The following HHLA1 variants were observed in gnomAD, a reference collection of about 807,000 sequenced individuals.
HHLA1 encodes the protein HERV-H LTR-associating protein 1.
HHLA1 carries 72 observed loss-of-function variants against 69.9 expected under a neutral mutation model. The ratio of observed to expected loss-of-function variants is 1.03; its 90% CI spans 0.85 to 1.25. HHLA1 has a LOEUF of 1.25. Among genes scored for constraint, HHLA1 ranks in the 50% most tolerant of loss-of-function variants. The pLI, the probability that HHLA1 is intolerant of heterozygous loss-of-function variation, is 0.00. For missense variants in HHLA1, 685 were observed against 642.2 expected (o/e 1.07, Z -0.72); for synonymous variants, 252 against 233.2 (o/e 1.08, Z -0.73).
At position 132,083,603 on chromosome 8, in the gene HHLA1, G is replaced by C. The variant is rs1256170049; in HGVS notation, c.677-3637C>G. Among the ~76,000 whole-genome samples, 3 of 152,168 alleles carry C rather than the reference G, an allele frequency of 2.0e-5. No homozygotes were observed. The South Asian group carries it at 6.2e-4, about 32-fold the overall frequency. On this transcript the variant is annotated intron_variant, in intron 10 of 16. Coordinates refer to ENST00000414222, the MANE Select transcript of HHLA1 (RefSeq NM_001145095.3). The stretch of plus-strand genomic sequence containing the variant: ...GGCTGCCAGGTGAGTTGAACAGTCC[G>C]ATTTTCAGTGGGGTCCCACACAGAT...
intron 3 of HHLA1, among the ~76,000 whole-genome samples, chr8:132,102,081 G>T (rs1426952221): frequency 6.6e-6 from 1 of 152,180 alleles, no homozygotes; most frequent in Non-Finnish European, 1.5e-5. Flanking sequence ...CCTCATGAAA[G>T]TGGTATCATG....
At chr8:132,065,439 G>A (rs1400397519) in intron 16 of HHLA1, among the ~76,000 whole-genome samples, 4 of 152,146 alleles carry the variant, frequency 2.6e-5, no homozygotes, top group Non-Finnish European at 5.9e-5. Flanking sequence ...CCACCACCAC[G>A]CCTGGCTAGT....
intron 10 of HHLA1, among the ~76,000 whole-genome samples, chr8:132,082,205 A>G (rs989086547): frequency 6.6e-6 from 1 of 152,226 alleles, no homozygotes; most frequent in African/African-American, 2.4e-5. Flanking sequence ...AAGTATATGC[A>G]TCAGCTATGA....
At position 132,063,034 on chromosome 8, in the gene HHLA1, C is replaced by T. The variant is rs1474549107; in HGVS notation, c.*961G>A. ...AGCCATGCAGGCCATGAAGGCACTC[C>T]ATACCTACTCCATACCCCCAAACAT... On this transcript the variant is annotated 3_prime_UTR_variant, in exon 17 of 17. Coordinates refer to ENST00000414222, the MANE Select transcript of HHLA1 (RefSeq NM_001145095.3). 1.3e-5 allele frequency: 2 copies of T among 152,250 alleles called. No individual in the cohort carries two copies. The highest frequency in any genetic ancestry group is 4.8e-5 in the African/African-American group (2 of 41,426). 9.4% of individuals were successfully genotyped at this position (152,250 alleles called of 1,614,324 possible). A position where few individuals can be genotyped will look rare whatever the true frequency, so the allele number is the denominator to read the frequency against.
chr8:132,104,051 G>T, intron 3 of HHLA1, 57 bp downstream of exon 3: 1 of 1,218,852 alleles, frequency 8.2e-7, no homozygotes, highest in Non-Finnish European at 1.2e-6. Context: ...GCTTGGGGAA[G>T]TCAAGGAATT....
chr8:132,097,480 G>A (rs1011093614), intron 5 of HHLA1, among the ~76,000 whole-genome samples: 3 of 152,166 alleles, frequency 2.0e-5, no homozygotes, highest in Non-Finnish European at 4.4e-5. Flanking sequence ...GTACCACCAC[G>A]TGGAGGTTAT....
chr8:132,108,739 G>A (rs144189433), intron 1 of HHLA1, among the ~76,000 whole-genome samples: 3 of 152,106 alleles, frequency 2.0e-5, no homozygotes, highest in Non-Finnish European at 4.4e-5. Flanking sequence ...ACTATGTGCA[G>A]ACACTTCTGA....
chr8:132,098,904 C>T lies in HHLA1; in HGVS notation c.258G>A (p.Gly86=). Residue 86 remains glycine (G), a synonymous_variant, in exon 5 of 17, where the codon GGG becomes GGA. Transcript: ENST00000414222. ...TACCTTTTAACGCTCTACTGAGCAT[C>T]CCATTCACAAGCTCTGTCAGGTTAA... ...SALNLTELVN[G]MLSRALKDSK... The T allele has an allele frequency of 6.4e-7, 1 of 1,550,692 alleles. No individual in the cohort carries two copies.
Position 132,079,794 on chromosome 8 carries a change from G to T in HHLA1, c.849C>A (p.Asn283Lys). The change falls in exon 11 of 17, where the codon AAC (asparagine) becomes AAA (lysine). Residue 283 changes from asparagine (N) to lysine (K), a missense_variant. Transcript: ENST00000414222. ...AAPSETEETL[N>K]TGRPPELPAR... ...CTGGAAGCTCAGGAGGCCTGCCTGTGTTCAGGGTCTCCTCTGTTTCTGAAG... is the reference window on the plus strand; with the variant it reads ...CTGGAAGCTCAGGAGGCCTGCCTGTTTTCAGGGTCTCCTCTGTTTCTGAAG... 1 of 1,551,730 alleles carries T rather than the reference G, an allele frequency of 6.4e-7. No individual in the cohort carries two copies. The highest frequency in any genetic ancestry group is 1.4e-5 in the African/African-American group (1 of 73,190).
rs1425258882 is a variant in HHLA1, at chr8:132,077,793, G to T, written c.1104C>A (p.Ser368Arg). 2 of 1,551,646 alleles carry T rather than the reference G, an allele frequency of 1.3e-6. No individual in the cohort carries two copies. The highest frequency in any genetic ancestry group is 3.9e-5 in the Admixed American group (2 of 51,004). The change falls in exon 12 of 17, where the codon AGC (serine) becomes AGA (arginine). Residue 368 changes from serine (S) to arginine (R), a missense_variant. By Grantham distance (110) the Ser-to-Arg change is moderately radical. Coordinates refer to ENST00000414222, the MANE Select transcript of HHLA1 (RefSeq NM_001145095.3). ...TTATCTCAGCAGCAGGCGCCAAAAG[G>T]CTTGTAGTGTTCATGGCTTCCTCGG... ...AGTEEAMNTT[S>R]LLAPAAEIMA...
Position 132,098,846 on chromosome 8 carries a change from A to G in HHLA1, c.280+36T>C, listed in dbSNP as rs186025165. 1,274 of 1,405,532 alleles carry G rather than the reference A, an allele frequency of 9.1e-4. 1 individual carries two copies. The highest frequency in any genetic ancestry group is 1.2e-3 in the Non-Finnish European group (1,176 of 1,020,498). The allele number at this position is 1,405,532 out of a possible 1,614,324, so 87.1% of individuals were successfully genotyped here. On this transcript the variant is annotated intron_variant, in intron 5 of 16. Coordinates refer to ENST00000414222, the MANE Select transcript of HHLA1 (RefSeq NM_001145095.3). ...GAAAAGACACTGGTACAAGAAAAAA[A>G]AATGGACCTGGATTGTGCTTTTAAA... is the stretch of plus-strand genomic sequence containing the variant.
intron 10 of HHLA1, among the ~76,000 whole-genome samples, chr8:132,084,359 G>A (rs541692067): frequency 6.6e-5 from 10 of 152,246 alleles, no homozygotes; most frequent in South Asian, 2.1e-4. Flanking sequence ...ACTCAGCGAC[G>A]CTTGGGGTTG....
At chr8:132,104,030 G>C in intron 3 of HHLA1, 78 bp downstream of exon 3, 1 of 946,212 alleles carries the variant, frequency 1.1e-6, no homozygotes, top group Non-Finnish European at 1.7e-6. Flanking sequence ...CTTATCAGTA[G>C]AGAAAGTCAG....
intron 7 of HHLA1, among the ~76,000 whole-genome samples, chr8:132,091,525 A>G (rs1054785520): frequency 6.6e-5 from 10 of 152,222 alleles, no homozygotes; most frequent in African/African-American, 2.4e-4. Flanking sequence ...CTCCCTTTAG[A>G]ACTGTTTTCA....
intron 10 of HHLA1, among the ~76,000 whole-genome samples, chr8:132,086,942 A>G (rs79351325): frequency 0.012 from 1,857 of 152,334 alleles, 42 homozygotes; most frequent in African/African-American, 0.043. Flanking sequence ...GCAGGCTGTG[A>G]GGCTGAAGGA....
chr8:132,083,058 A>G (rs1251759319), intron 10 of HHLA1, among the ~76,000 whole-genome samples: 1 of 151,770 alleles, frequency 6.6e-6, no homozygotes, highest in Non-Finnish European at 1.5e-5. Context: ...AGGAGGGAGT[A>G]GAGGTATCTT....
intron 10 of HHLA1, among the ~76,000 whole-genome samples, chr8:132,082,186 G>T (rs1342942028): frequency 6.6e-6 from 1 of 152,230 alleles, no homozygotes; most frequent in East Asian, 1.9e-4. Flanking sequence ...GAAGGAGCCA[G>T]GAAGCAGAAA....
chr8:132,078,431 T>C (rs1225188865), intron 11 of HHLA1, among the ~76,000 whole-genome samples: 2 of 152,180 alleles, frequency 1.3e-5, no homozygotes, highest in Non-Finnish European at 2.9e-5. Flanking sequence ...AAAATGAGGA[T>C]ACCAGTGTTA....
chr8:132,091,585 A>G (rs567758804), intron 7 of HHLA1, among the ~76,000 whole-genome samples: 5 of 152,220 alleles, frequency 3.3e-5, no homozygotes, highest in Non-Finnish European at 7.3e-5. Flanking sequence ...TAACTCAAAG[A>G]TATTCTTTGC....
Sources: gnomAD v4.1 joint callset for allele counts (sites outside exome capture counted in the v4.1 genomes callset) on GRCh38, gnomAD v4.1.1 for gene constraint, MANE v1.5 for transcripts, NCBI Gene and HGNC (gene_info 2026-07-23, HGNC 2026-07-21) for gene names.